The following CCL26 variants were observed in gnomAD, a reference collection of about 807,000 sequenced individuals.
CCL26 encodes the protein C-C motif chemokine ligand 26.
A neutral mutation model predicts 10.7 loss-of-function variants in CCL26; 10 were observed. The ratio of observed to expected loss-of-function variants is 0.93; its 90% confidence interval spans 0.57 to 1.58. CCL26 has a LOEUF of 1.58. CCL26 is among the 40% of genes most tolerant of loss of function. CCL26 has a pLI of 0.00. For missense variants in CCL26, 116 were observed against 111.0 expected, an observed-to-expected ratio of 1.05 and a Z score of -0.20; for synonymous variants, 43 against 41.4, an observed-to-expected ratio of 1.04 and a Z score of -0.15.
intron 1 of CCL26, among the ~76,000 whole-genome samples, chr7:75,779,399 T>C (rs1554529158): frequency 6.6e-6 from 1 of 152,164 alleles, no homozygotes; most frequent in African/African-American, 2.4e-5. Context: ...GATCCACCTA[T>C]GACCTCAGGT....
upstream of CCL26, among the ~76,000 whole-genome samples, chr7:75,773,840 G>T (rs1323467891): frequency 6.6e-6 from 1 of 151,942 alleles, no homozygotes; most frequent in African/African-American, 2.4e-5. Flanking sequence ...CCAAGATCGT[G>T]CCATTGCACT....
chr7:75,785,441 TC>T (rs1554529880), intron 1 of CCL26, among the ~76,000 whole-genome samples: 1 of 152,190 alleles, frequency 6.6e-6, no homozygotes, highest in East Asian at 1.9e-4. Context: ...ACTCTCCTGC[TC>T]CTTCAACATT....
intron 1 of CCL26, among the ~76,000 whole-genome samples, chr7:75,788,391 C>G (rs1803249816): frequency 6.6e-6 from 1 of 152,106 alleles, no homozygotes; most frequent in African/African-American, 2.4e-5. Flanking sequence ...AGAGAACAAC[C>G]CCTTTTGACT....
At chr7:75,776,513 AAAGGAAGGAAGGAAGGAAGGAAGGAAGG>A (rs58177095), upstream of CCL26, among the ~76,000 whole-genome samples, 582 of 109,072 alleles carry the variant, frequency 5.3e-3, 7 homozygotes, top group African/African-American at 0.017. Flanking sequence ...TGCACTCCAA[AAAGGAAGGAAGGAAGGAAGGAAGGAAGG>A]AAGGAAGGAA....
At chr7:75,783,425 G>A (rs1803109726) in intron 1 of CCL26, among the ~76,000 whole-genome samples, 1 of 152,164 alleles carries the variant, frequency 6.6e-6, no homozygotes, top group South Asian at 2.1e-4. Context: ...CCCAGGTATA[G>A]CTAGGTGAGA....
rs1802828996 is a variant in CCL26 at position 75,771,895 on chromosome 7, GC to G, written c.181del (p.Ala61LeufsTer2). Reference protein sequence around the residue: ...EFTSNSCSQRAVIFTTKRGKK... With the variant: ...EFTSNSCSQRXVIFTTKRGKK... ...ACGTCCGAGAAATACTCACATCACAGCCCGCTGGGAGCAGCTGTTACTGGTG... is the reference window on the plus strand; with the variant it reads ...ACGTCCGAGAAATACTCACATCACAGCCGCTGGGAGCAGCTGTTACTGGTG... On this transcript the variant is annotated frameshift_variant, in exon 2 of 3. Transcript: ENST00000005180. LOFTEE classifies it high-confidence loss of function. 17 of 1,609,776 alleles carry G rather than the reference GC, an allele frequency of 1.1e-5. No homozygotes were observed. The East Asian group carries it at 3.8e-4, about 36-fold the overall frequency.
chr7:75,769,877 C>G, intron 2 of CCL26, 88 bp from the exon 3 acceptor site: 4 of 804,884 alleles, frequency 5.0e-6, no homozygotes, highest in South Asian at 4.3e-5. Flanking sequence ...AGCTCTCTCA[C>G]TAGTCTTCTG....
intron 1 of CCL26, among the ~76,000 whole-genome samples, chr7:75,785,481 C>T (rs751376679): frequency 4.6e-5 from 7 of 152,162 alleles, no homozygotes; most frequent in Non-Finnish European, 5.9e-5. Context: ...AGGTATCCCC[C>T]ACAAAGCTCC....
Position 75,771,885 on chromosome 7 carries a change from T to G in CCL26, c.188+4A>C. 6.2e-7 allele frequency: 1 copy of G among 1,601,872 alleles called. No individual in the cohort carries two copies. The highest frequency in any genetic ancestry group is 1.3e-5 in the African/African-American group (1 of 74,770). ...CCCAGAAAGTACGTCCGAGAAATACTCACATCACAGCCCGCTGGGAGCAGC... is the reference window on the plus strand; with the variant it reads ...CCCAGAAAGTACGTCCGAGAAATACGCACATCACAGCCCGCTGGGAGCAGC... On this transcript the variant is annotated splice_donor_region_variant and intron_variant, in intron 2 of 2. Coordinates refer to ENST00000005180, the MANE Select transcript of CCL26 (RefSeq NM_001371938.1).
chr7:75,784,929 T>C (rs923221234), intron 1 of CCL26, among the ~76,000 whole-genome samples: 1 of 152,168 alleles, frequency 6.6e-6, no homozygotes, highest in Non-Finnish European at 1.5e-5. Context: ...TCTCACAGCA[T>C]GCTTTAAAAG....
At chr7:75,777,451 A>G (rs1280856892) in intron 1 of CCL26, among the ~76,000 whole-genome samples, 1 of 152,064 alleles carries the variant, frequency 6.6e-6, no homozygotes, top group Non-Finnish European at 1.5e-5. Context: ...TGCTGAGGGG[A>G]AAAAGTCAGA....
rs139162745 is a variant in CCL26 at position 75,779,296 on chromosome 7, G to A, written c.-78-7042C>T. Among the ~76,000 whole-genome samples, 1,080 of 152,232 alleles carry A rather than the reference G, an allele frequency of 7.1e-3. 10 individuals are homozygous for A. The highest frequency in any genetic ancestry group is 0.024 in the African/African-American group (989 of 41,530). On this transcript the variant is annotated intron_variant, in intron 1 of 3. Transcript: ENST00000394905. ...ATCCTGTTTGGTGGTCGCTTCACAC[G>A]GACGCGAGTGGAATTTGGTGCTGTG...
At chr7:75,771,767 G>A in intron 2 of CCL26, 122 bp downstream of exon 2, 1 of 685,890 alleles carries the variant, frequency 1.5e-6, no homozygotes, top group Non-Finnish European at 2.7e-6. Context: ...AGTCACACTT[G>A]TTAGTGTGCA....
chr7:75,788,202 C>T (rs1803245881), intron 1 of CCL26, among the ~76,000 whole-genome samples: 1 of 152,112 alleles, frequency 6.6e-6, no homozygotes, highest in Admixed American at 6.6e-5. Context: ...GTCGTATCCC[C>T]CAGTGACCTG....
upstream of CCL26, among the ~76,000 whole-genome samples, chr7:75,791,189 G>A (rs1803324008): frequency 6.6e-6 from 1 of 151,682 alleles, no homozygotes; most frequent in South Asian, 2.1e-4. Flanking sequence ...ACCACACCTG[G>A]CTAATTTTTG....
At chr7:75,770,289 C>T (rs1012877694) in intron 2 of CCL26, among the ~76,000 whole-genome samples, 3 of 152,058 alleles carry the variant, frequency 2.0e-5, no homozygotes, top group Admixed American at 6.6e-5. Flanking sequence ...AGGGTGGTCT[C>T]GAACTCCTGA....
intron 2 of CCL26, among the ~76,000 whole-genome samples, chr7:75,770,153 T>G (rs1330320965): frequency 6.6e-6 from 1 of 151,164 alleles, no homozygotes. Context: ...CATTGCAACC[T>G]CCATTTCCCA....
Position 75,769,737 on chromosome 7 carries a change from C to T in CCL26, c.241G>A (p.Val81Met), listed in dbSNP as rs2115628315. Residue 81 changes from valine to methionine, a missense_variant, in exon 3 of 3, where the codon GTG becomes ATG. By Grantham distance (21) the Val-to-Met change is conservative. Transcript: ENST00000005180. ...TTCAGTAAAGAAATGTATTTTTGCACCCATTTTTTCCTTGGATGGGTACAG... is the reference window on the plus strand; with the variant it reads ...TTCAGTAAAGAAATGTATTTTTGCATCCATTTTTTCCTTGGATGGGTACAG... The part of the protein sequence containing the change: ...KVCTHPRKKW[V>M]QKYISLLKTP... 2.5e-6 allele frequency: 4 copies of T among 1,612,968 alleles called. No individual in the cohort carries two copies. In the East Asian group the frequency reaches 8.9e-5, roughly 36 times the overall value.
At chr7:75,783,012 C>G (rs1803099434) in intron 1 of CCL26, among the ~76,000 whole-genome samples, 1 of 152,154 alleles carries the variant, frequency 6.6e-6, no homozygotes, top group South Asian at 2.1e-4. Flanking sequence ...TATCACCTCC[C>G]CTCCTCACAC....
Sources: allele counts gnomAD v4.1 joint callset (sites outside exome capture counted in the v4.1 genomes callset), GRCh38; gene constraint gnomAD v4.1.1; transcripts MANE v1.5; gene names NCBI Gene and HGNC (gene_info 2026-07-23, HGNC 2026-07-21).